The following AHRR variants were observed in gnomAD, a reference collection of about 807,000 sequenced individuals.
The protein encoded by AHRR is aryl hydrocarbon receptor repressor.
Under a neutral mutation model 44.0 loss-of-function variants are expected in AHRR, and 28 were observed. That is an observed-to-expected ratio of 0.64 (90% CI 0.47 to 0.87). The LOEUF (loss-of-function observed/expected upper bound fraction) is 0.87. Among genes scored for constraint, AHRR ranks in the 40% least tolerant of loss-of-function variants. The pLI, the probability that AHRR is intolerant of heterozygous loss-of-function variation, is 0.00. For missense variants in AHRR, 990 were observed against 953.9 expected, an observed-to-expected ratio of 1.04 and a Z score of -0.50; for synonymous variants, 434 against 407.0, an observed-to-expected ratio of 1.07 and a Z score of -0.80.
At position 344,420 on chromosome 5, in the gene AHRR, G is replaced by GTGT. The variant is rs769268194; in HGVS notation, c.62+456_62+457insTGT. Among the ~76,000 whole-genome samples, 72 of 24,524 alleles carry GTGT rather than the reference G, an allele frequency of 2.9e-3. 3 individuals carry two copies. Among genetic ancestry groups the GTGT allele is most frequent in the South Asian group, 0.017 (12 of 702 alleles). 16.1% of individuals were successfully genotyped at this position (24,524 alleles called of 152,430 possible). A position where few individuals can be genotyped will look rare whatever the true frequency, so the allele number is the denominator to read the frequency against. ...TGGGGAGGGCTGCGGGGGTGTGTGC[G>GTGT]GTATGTGTGAGGCTGTGGGGGGCTG... On this transcript the variant is annotated intron_variant, in intron 2 of 10. Transcript: ENST00000684583.
chr5:386,493 CAGA>C, intron 4 of AHRR, among the ~76,000 whole-genome samples: 1 of 152,364 alleles, frequency 6.6e-6, no homozygotes, highest in African/African-American at 2.4e-5. Flanking sequence ...GATGTGGCAA[CAGA>C]AGAAGGGTCA....
rs912993053 is a variant in AHRR, at chr5:437,919, A to G, written c.*3085A>G. 6.6e-6 allele frequency: 1 copy of G among 152,412 alleles called. No homozygotes were observed. The highest frequency in any genetic ancestry group is 2.4e-5 in the African/African-American group (1 of 41,474). The allele number at this position is 152,412 out of a possible 1,614,324, so 9.4% of individuals were successfully genotyped here. Reference sequence around the variant, plus strand: ...GTGGGGAAGACTATGGAACATAGAAAGTGTGGATGTATCACTTCTCTCTAA... The same window carrying G: ...GTGGGGAAGACTATGGAACATAGAAGGTGTGGATGTATCACTTCTCTCTAA... On this transcript the variant is annotated 3_prime_UTR_variant, in exon 11 of 11. Coordinates refer to ENST00000684583, the MANE Select transcript of AHRR (RefSeq NM_001377236.1).
chr5:348,369 A>G (rs981006516), intron 2 of AHRR, among the ~76,000 whole-genome samples: 1 of 148,762 alleles, frequency 6.7e-6, no homozygotes, highest in Non-Finnish European at 1.5e-5. Context: ...TTTATTGAGT[A>G]TAATTGAAGT....
chr5:398,480 G>A (rs1052791727), intron 4 of AHRR, among the ~76,000 whole-genome samples: 4 of 152,214 alleles, frequency 2.6e-5, no homozygotes, highest in African/African-American at 7.2e-5. Context: ...TCACTGAGCC[G>A]GGTGCACAGA....
chr5:415,975 C>T lies in AHRR; in HGVS notation c.441+2542C>T, dbSNP rs116393578. On this transcript the variant is annotated intron_variant, in intron 5 of 10. Transcript: ENST00000684583. ...AATCTCCTGCCCCTGAGCCCAAGGC[C>T]AGTCTCCCTGTGAACTGCAAGGACC... 4.9e-3 allele frequency among the ~76,000 whole-genome samples: 745 copies of T among 152,352 alleles called. 3 individuals are homozygous for T. The highest frequency in any genetic ancestry group is 0.017 in the African/African-American group (711 of 41,582).
At chr5:426,868 G>GATGA (rs145682312) in intron 7 of AHRR, among the ~76,000 whole-genome samples, 54,271 of 149,650 alleles carry the variant, frequency 0.36, 11,484 homozygotes, top group Non-Finnish European at 0.48. Flanking sequence ...TGGGTGGATG[G>GATGA]ATGGATGGAT....
At chr5:340,094 T>C (rs1185215794) in intron 1 of AHRR, among the ~76,000 whole-genome samples, 1 of 152,198 alleles carries the variant, frequency 6.6e-6, no homozygotes, top group African/African-American at 2.4e-5. Context: ...TTCTTTGATA[T>C]TTTTTGCCAA....
intron 2 of AHRR, among the ~76,000 whole-genome samples, chr5:351,318 G>A (rs1421552624): frequency 2.0e-5 from 3 of 152,202 alleles, no homozygotes; most frequent in East Asian, 3.8e-4. Context: ...TCACTGCACC[G>A]ATACTCACGG....
intron 4 of AHRR, among the ~76,000 whole-genome samples, chr5:412,464 G>A (rs1735503870): frequency 6.6e-6 from 1 of 152,160 alleles, no homozygotes; most frequent in East Asian, 1.9e-4. Context: ...AGTGACTCGT[G>A]TCTTGATGGT....
In AHRR at chr5:435,049, C is replaced by T. The variant is rs1029853223; in HGVS notation, c.*215C>T. On this transcript the variant is annotated 3_prime_UTR_variant, in exon 11 of 11. Coordinates refer to ENST00000684583, the MANE Select transcript of AHRR (RefSeq NM_001377236.1). Reference sequence around the variant, plus strand: ...CAACAGTTCTTAAATGAAAACTGGCCTTAAGTCTATTCAAGCATGACAGCA... The same window carrying T: ...CAACAGTTCTTAAATGAAAACTGGCTTTAAGTCTATTCAAGCATGACAGCA... The T allele has an allele frequency of 1.6e-6, 1 of 637,072 alleles. No homozygotes were observed. The highest frequency in any genetic ancestry group is 1.8e-5 in the African/African-American group (1 of 54,720). 39.5% of individuals were successfully genotyped at this position (637,072 alleles called of 1,614,324 possible).
chr5:438,038 G>A lies in AHRR; in HGVS notation c.*3204G>A, dbSNP rs1046401247. On this transcript the variant is annotated 3_prime_UTR_variant, in exon 11 of 11. Coordinates refer to ENST00000684583, the MANE Select transcript of AHRR (RefSeq NM_001377236.1). ...AAAAAGTATTAAAGTCAAATATAAG[G>A]TGGGAATGGGATGGAAGGGAGGAGA... 6.6e-6 allele frequency: 1 copy of A among 152,328 alleles called. No homozygotes were observed. The highest frequency in any genetic ancestry group is 2.4e-5 in the African/African-American group (1 of 41,426). 9.4% of individuals were successfully genotyped at this position (152,328 alleles called of 1,614,324 possible). A position where few individuals can be genotyped will look rare whatever the true frequency, so the allele number is the denominator to read the frequency against.
In AHRR at chr5:395,301, C is replaced by A. The variant is rs913905926; in HGVS notation, c.352-18043C>A. On this transcript the variant is annotated intron_variant, in intron 4 of 10. Transcript: ENST00000684583. The surrounding 1 kb of genome is among the most constrained non-coding windows in gnomAD (Gnocchi z 5.3). ...ACAGAGGGGGCCTGGGAGACACGAG[C>A]CCCGGTGGTGGGATGCAGTTAGCTG... Among the ~76,000 whole-genome samples the A allele has an allele frequency of 6.6e-6, 1 of 152,168 alleles. No homozygotes were observed. The highest frequency in any genetic ancestry group is 1.5e-5 in the Non-Finnish European group (1 of 68,024).
intron 1 of AHRR, among the ~76,000 whole-genome samples, chr5:335,360 C>T (rs1212200608): frequency 6.6e-6 from 1 of 151,982 alleles, no homozygotes; most frequent in Non-Finnish European, 1.5e-5. Context: ...GCTGGCCAGC[C>T]TCCAGACCAG....
chr5:381,226 C>G (rs779146986), intron 4 of AHRR, among the ~76,000 whole-genome samples: 1 of 152,262 alleles, frequency 6.6e-6, no homozygotes, highest in Non-Finnish European at 1.5e-5. Context: ...TCTGGAAACA[C>G]TCTCAGAAAC....
intron 8 of AHRR, among the ~76,000 whole-genome samples, chr5:431,770 C>T (rs989721588): frequency 6.6e-6 from 1 of 152,248 alleles, no homozygotes; most frequent in Non-Finnish European, 1.5e-5. Flanking sequence ...ACCCCCATGT[C>T]AACACACCCT....
intron 3 of AHRR, among the ~76,000 whole-genome samples, chr5:368,286 T>C (rs1743440671): frequency 6.6e-6 from 1 of 152,190 alleles, no homozygotes; most frequent in South Asian, 2.1e-4. Context: ...CACCGCGCAC[T>C]GTATCCTGCC....
In AHRR at chr5:343,284, C is replaced by T. The variant is rs148252802; in HGVS notation, c.-10-609C>T. ...GAACACGGGACCCCACATACCTTTTCGGGGTGACGTGAACACAGAACCCCA... is the reference window on the plus strand; with the variant it reads ...GAACACGGGACCCCACATACCTTTTTGGGGTGACGTGAACACAGAACCCCA... On this transcript the variant is annotated intron_variant, in intron 1 of 10. Transcript: ENST00000684583. 9.5e-3 allele frequency among the ~76,000 whole-genome samples: 1,298 copies of T among 137,324 alleles called. 69 individuals carry two copies. The highest frequency in any genetic ancestry group is 0.042 in the Admixed American group (576 of 13,666). 90.1% of individuals were successfully genotyped at this position (137,324 alleles called of 152,430 possible).
Position 383,563 on chromosome 5 carries a change from C to CTT in AHRR, c.351+6859_351+6860dup, listed in dbSNP as rs1308809408. 7.0e-6 allele frequency among the ~76,000 whole-genome samples: 1 copy of CTT among 141,858 alleles called. No individual in the cohort carries two copies. The highest frequency in any genetic ancestry group is 2.6e-5 in the African/African-American group (1 of 38,930). The allele number at this position is 141,858 out of a possible 152,430, so 93.1% of individuals were successfully genotyped here. On this transcript the variant is annotated intron_variant, in intron 4 of 10. Coordinates refer to ENST00000684583, the MANE Select transcript of AHRR (RefSeq NM_001377236.1). The surrounding 1 kb of genome is among the most constrained non-coding windows in gnomAD (Gnocchi z 4.0). ...TAATATAGCATTCCAGCTTTCTTTT[C>CTT]TTTTTTTTTTTTTAATACAGACAGG...
intron 8 of AHRR, 26 bp from the exon 9 acceptor site, chr5:432,437 C>G: frequency 6.2e-7 from 1 of 1,610,738 alleles, no homozygotes; most frequent in Non-Finnish European, 8.5e-7. Context: ...CGTCACATGT[C>G]ACATGTTCAT....
Sources: gnomAD v4.1 joint callset for allele counts (sites outside exome capture counted in the v4.1 genomes callset) on GRCh38, gnomAD v4.1.1 for gene constraint, Gnocchi (gnomAD v3.1) non-coding constraint, MANE v1.5 for transcripts, NCBI Gene and HGNC (gene_info 2026-07-23, HGNC 2026-07-21) for gene names.